The following SEMA3E variants were observed in gnomAD, a reference collection of about 807,000 sequenced individuals.
The protein encoded by SEMA3E is semaphorin 3E.
In SEMA3E, 49 loss-of-function variants were observed where a neutral mutation model predicts 93.6. The observed-to-expected ratio is 0.52, with a 90% CI of 0.42 to 0.66. The LOEUF (loss-of-function observed/expected upper bound fraction) is 0.66, where lower values mean the gene tolerates loss of function less well. Among genes scored for constraint, SEMA3E ranks in the 30% least tolerant of loss-of-function variants. The probability of loss-of-function intolerance (pLI) is 0.00; values close to 1 mark genes in which losing one functional copy is unlikely to be tolerated. For missense variants in SEMA3E, 906 were observed against 964.8 expected (o/e 0.94, Z 0.81); for synonymous variants, 363 against 330.7 (o/e 1.10, Z -1.06).
intron 1 of SEMA3E, among the ~76,000 whole-genome samples, chr7:83,502,401 C>T (rs17157670): frequency 0.024 from 3,675 of 152,150 alleles, 142 homozygotes; most frequent in African/African-American, 0.083. Flanking sequence ...TGGTTGCCTA[C>T]CTCAGCCCTG....
intron 16 of SEMA3E, among the ~76,000 whole-genome samples, chr7:83,380,009 TACAC>T (rs1281673479): frequency 1.3e-5 from 2 of 151,832 alleles, no homozygotes; most frequent in African/African-American, 4.8e-5. Flanking sequence ...TGAACACTGA[TACAC>T]AGCAGGACAG....
intron 16 of SEMA3E, chr7:83,372,215 A>G (rs1794758575): frequency 5.0e-6 from 2 of 397,922 alleles, no homozygotes; most frequent in Non-Finnish European, 8.9e-6. Context: ...AGGAGCAAAC[A>G]TGGTTTCAGG....
chr7:83,509,427 T>G (rs1050761963), intron 1 of SEMA3E, among the ~76,000 whole-genome samples: 1 of 152,162 alleles, frequency 6.6e-6, no homozygotes, highest in Non-Finnish European at 1.5e-5. Flanking sequence ...CACTTCTGTC[T>G]CAGTTTCCTG....
At chr7:83,453,008 C>A (rs1354607908) in intron 4 of SEMA3E, among the ~76,000 whole-genome samples, 11 of 152,022 alleles carry the variant, frequency 7.2e-5, no homozygotes, top group African/African-American at 2.7e-4. Context: ...CCATTGAATT[C>A]TTCTAATGCT....
intron 1 of SEMA3E, among the ~76,000 whole-genome samples, chr7:83,638,397 A>G (rs1354632262): frequency 6.6e-6 from 1 of 152,228 alleles, no homozygotes; most frequent in Non-Finnish European, 1.5e-5. Flanking sequence ...TCTTTGAGAC[A>G]TGGAAGAATT....
At chr7:83,531,500 G>A (rs926371360) in intron 1 of SEMA3E, among the ~76,000 whole-genome samples, 9 of 151,660 alleles carry the variant, frequency 5.9e-5, no homozygotes, top group East Asian at 5.8e-4. Flanking sequence ...TTACAGGTGC[G>A]TGCCACCATG....
Position 83,366,841 on chromosome 7 carries a change from C to T in SEMA3E, c.*745G>A, listed in dbSNP as rs945948822. The T allele has an allele frequency of 5.3e-5, 8 of 152,204 alleles. No individual in the cohort carries two copies. The highest frequency in any genetic ancestry group is 1.9e-4 in the African/African-American group (8 of 41,542). 9.4% of individuals were successfully genotyped at this position (152,204 alleles called of 1,614,324 possible). A position where few individuals can be genotyped will look rare whatever the true frequency, so the allele number is the denominator to read the frequency against. ...ACAAGAGGGAAGCAAAAATCTTTTACAGTAGTTAGAATCCTAACTATAACT... is the reference window on the plus strand; with the variant it reads ...ACAAGAGGGAAGCAAAAATCTTTTATAGTAGTTAGAATCCTAACTATAACT... On this transcript the variant is annotated 3_prime_UTR_variant, in exon 17 of 17. Transcript: ENST00000643230.
At chr7:83,551,541 A>C (rs1324256809) in intron 1 of SEMA3E, among the ~76,000 whole-genome samples, 2 of 152,158 alleles carry the variant, frequency 1.3e-5, no homozygotes, top group African/African-American at 4.8e-5. Flanking sequence ...ACAGAGAGAG[A>C]ACACACAGGT....
At chr7:83,442,780 C>T (rs575822873) in intron 4 of SEMA3E, among the ~76,000 whole-genome samples, 14 of 152,154 alleles carry the variant, frequency 9.2e-5, no homozygotes, top group African/African-American at 2.6e-4. Flanking sequence ...GGCCAGGAAC[C>T]CTCCACCCTC....
intron 9 of SEMA3E, among the ~76,000 whole-genome samples, chr7:83,404,940 A>T (rs959304280): frequency 5.9e-5 from 9 of 152,116 alleles, no homozygotes; most frequent in Admixed American, 6.6e-5. Flanking sequence ...GGAACTAGCA[A>T]AGTAGACACT....
chr7:83,524,587 A>G (rs1233360388), intron 1 of SEMA3E, among the ~76,000 whole-genome samples: 5 of 152,144 alleles, frequency 3.3e-5, no homozygotes, highest in East Asian at 1.9e-4. Context: ...CTCTCGTGCT[A>G]TTAAAATATT....
intron 4 of SEMA3E, among the ~76,000 whole-genome samples, chr7:83,442,667 G>A (rs1351956618): frequency 6.6e-6 from 1 of 151,896 alleles, no homozygotes; most frequent in Non-Finnish European, 1.5e-5. Flanking sequence ...GTTTTGTTTT[G>A]TTTTGTTTTT....
At chr7:83,564,151 G>A (rs932586468) in intron 1 of SEMA3E, among the ~76,000 whole-genome samples, 5 of 152,126 alleles carry the variant, frequency 3.3e-5, no homozygotes, top group African/African-American at 1.2e-4. Context: ...ATTTTACATA[G>A]TCTTTAGAAA....
At chr7:83,590,627 G>A (rs1792738553) in intron 1 of SEMA3E, among the ~76,000 whole-genome samples, 2 of 152,118 alleles carry the variant, frequency 1.3e-5, no homozygotes, top group South Asian at 2.1e-4. Flanking sequence ...GAGGGATAAG[G>A]GGAAGGGATT....
At chr7:83,513,827 CT>C (rs1288604231) in intron 1 of SEMA3E, among the ~76,000 whole-genome samples, 3 of 152,206 alleles carry the variant, frequency 2.0e-5, no homozygotes, top group East Asian at 3.9e-4. Context: ...GGTAAAATCT[CT>C]TCAAGGCTTT....
rs1789759839 is a variant in SEMA3E at position 83,466,513 on chromosome 7, C to A, written c.425G>T (p.Cys142Phe). ...ATGATATCCAACTCTGATGAAGGCA[C>A]AAACTGGATCAAAAGCTCCAGTACC... ...TCGTGAFDPV[C>F]AFIRVGYHLE... The change falls in exon 4 of 17, where the codon TGT becomes TTT. Residue 142 changes from cysteine (C) to phenylalanine (F), a missense_variant. By Grantham distance (205) the Cys-to-Phe change is radical (BLOSUM62 -2). Transcript: ENST00000643230. The A allele has an allele frequency of 1.9e-6, 3 of 1,613,966 alleles. No individual in the cohort carries two copies. The highest frequency in any genetic ancestry group is 1.7e-6 in the Non-Finnish European group (2 of 1,179,956).
At chr7:83,613,600 C>G (rs565388314) in intron 1 of SEMA3E, among the ~76,000 whole-genome samples, 1 of 151,964 alleles carries the variant, frequency 6.6e-6, no homozygotes, top group East Asian at 1.9e-4. Flanking sequence ...ATTAACAAAG[C>G]TTTTGAATTA....
At chr7:83,547,996 T>A (rs1791685212) in intron 1 of SEMA3E, among the ~76,000 whole-genome samples, 1 of 152,102 alleles carries the variant, frequency 6.6e-6, no homozygotes, top group Non-Finnish European at 1.5e-5. Context: ...TTGGCTACCC[T>A]CAGTAGAATA....
At chr7:83,641,923 T>C (rs1794016832) in intron 1 of SEMA3E, among the ~76,000 whole-genome samples, 1 of 152,228 alleles carries the variant, frequency 6.6e-6, no homozygotes, top group Non-Finnish European at 1.5e-5. Context: ...TTGCAAATTA[T>C]GTTTTACCAC....
Sources: allele counts gnomAD v4.1 joint callset (sites outside exome capture counted in the v4.1 genomes callset), GRCh38; gene constraint gnomAD v4.1.1; transcripts MANE v1.5; gene names NCBI Gene and HGNC (gene_info 2026-07-23, HGNC 2026-07-21).